Variants in SLC6A11 observed in about 807,000 individuals in gnomAD.
The protein encoded by SLC6A11 is sodium- and chloride-dependent GABA transporter 3.
Under a neutral mutation model 74.8 loss-of-function variants are expected in SLC6A11, and 25 were observed. That is an observed-to-expected ratio of 0.33 (90% CI 0.24 to 0.47). The LOEUF is 0.47. SLC6A11 is among the 20% of genes least tolerant of loss of function. The pLI, the probability that SLC6A11 is intolerant of heterozygous loss-of-function variation, is 1.00. For synonymous variants in SLC6A11, 330 were observed against 330.2 expected (o/e 1.00, Z 0.01); for missense variants, 574 against 837.0 (o/e 0.69, Z 3.88).
At chr3:10,884,713 C>T (rs576987903) in intron 6 of SLC6A11, among the ~76,000 whole-genome samples, 79 of 152,234 alleles carry the variant, frequency 5.2e-4, no homozygotes, top group Non-Finnish European at 1.0e-3. Context: ...TGCAAGAATC[C>T]TAGAATCTTA....
At chr3:10,901,484 C>T (rs563547615) in intron 6 of SLC6A11, among the ~76,000 whole-genome samples, 1 of 152,352 alleles carries the variant, frequency 6.6e-6, no homozygotes, top group East Asian at 1.9e-4. Context: ...TGGCAGGGCC[C>T]TGGTTGGCCC....
intron 6 of SLC6A11, among the ~76,000 whole-genome samples, chr3:10,897,878 C>T (rs899863981): frequency 6.6e-6 from 1 of 152,204 alleles, no homozygotes; most frequent in Non-Finnish European, 1.5e-5. Context: ...AAGCACCCTG[C>T]CCCTGTAGCA....
At chr3:10,823,839 A>T (rs1694169591) in intron 4 of SLC6A11, 1 of 169,518 alleles carries the variant, frequency 5.9e-6, no homozygotes, top group Admixed American at 5.6e-5. Context: ...ATGGATAGAG[A>T]TTATAAAGAG....
intron 7 of SLC6A11, among the ~76,000 whole-genome samples, chr3:10,914,496 A>G (rs1321535298): frequency 6.6e-6 from 1 of 152,180 alleles, no homozygotes; most frequent in African/African-American, 2.4e-5. Context: ...GGCAGGTCCA[A>G]CATGCTGAAA....
rs143370412 is a variant in SLC6A11 at position 10,847,661 on chromosome 3, C to T, written c.756+3315C>T. 7.0e-3 allele frequency among the ~76,000 whole-genome samples: 1,059 copies of T among 152,216 alleles called. 11 individuals are homozygous for T. Among genetic ancestry groups the T allele is most frequent in the Non-Finnish European group, 6.9e-3 (470 of 68,022 alleles). On this transcript the variant is annotated intron_variant, in intron 5 of 13. Transcript: ENST00000254488. ...GAGCCTGGTCCCCAGTTTCCCAGCT[C>T]GTTATTAATGATGAGGTTCTGTGGG...
At chr3:10,924,800 C>A (rs1259882578) in intron 8 of SLC6A11, among the ~76,000 whole-genome samples, 1 of 152,120 alleles carries the variant, frequency 6.6e-6, no homozygotes, top group Non-Finnish European at 1.5e-5. Flanking sequence ...CATCTCACTC[C>A]CACTGTAATG....
At position 10,858,506 on chromosome 3, in the gene SLC6A11, C is replaced by T. The variant is rs147980489; in HGVS notation, c.756+14160C>T. On this transcript the variant is annotated intron_variant, in intron 5 of 13. Transcript: ENST00000254488. ...CATCACCTCCATCTTTATGATGACT[C>T]GAAATGCCTCTACATGTCTCCAGGT... Among the ~76,000 whole-genome samples the T allele has an allele frequency of 2.4e-3, 364 of 152,282 alleles. 3 individuals carry two copies. Among genetic ancestry groups the T allele is most frequent in the African/African-American group, 8.0e-3 (332 of 41,550 alleles).
intron 4 of SLC6A11, among the ~76,000 whole-genome samples, chr3:10,843,886 T>C (rs1694468948): frequency 6.6e-6 from 1 of 152,182 alleles, no homozygotes; most frequent in Non-Finnish European, 1.5e-5. Flanking sequence ...GGGAGGAACA[T>C]AGGATGTTTA....
At chr3:10,819,988 T>A in intron 3 of SLC6A11, 136 bp downstream of exon 3, 1 of 883,748 alleles carries the variant, frequency 1.1e-6, no homozygotes. Flanking sequence ...TTGCTGAAAC[T>A]GGGGTCAGCT....
chr3:10,836,348 A>G lies in SLC6A11; in HGVS notation c.624-7866A>G, dbSNP rs558646343. Among the ~76,000 whole-genome samples, 502 of 152,370 alleles carry G rather than the reference A, an allele frequency of 3.3e-3. 5 individuals carry two copies. Among genetic ancestry groups the G allele is most frequent in the Non-Finnish European group, 4.9e-3 (336 of 68,036 alleles). On this transcript the variant is annotated intron_variant, in intron 4 of 13. Transcript: ENST00000254488. Reference sequence around the variant, plus strand: ...CATTTGTGCACACATTTTTGTTTGAACATATGTTTATTCTCTTGGGCTTAT... The same window carrying G: ...CATTTGTGCACACATTTTTGTTTGAGCATATGTTTATTCTCTTGGGCTTAT...
Position 10,844,237 on chromosome 3 carries a change from A to G in SLC6A11, c.647A>G (p.Asp216Gly). 6.2e-7 allele frequency: 1 copy of G among 1,614,156 alleles called. No individual in the cohort carries two copies. The highest frequency in any genetic ancestry group is 1.1e-5 in the South Asian group (1 of 91,076). Residue 216 changes from aspartate (D) to glycine (G), a missense_variant, in exon 5 of 14, where the codon GAC (aspartate) becomes GGC (glycine). Around this residue, in one of 4 missense-constraint regions of SLC6A11, gnomAD observed 215 missense variants for 357.9 expected, o/e 0.60. Coordinates refer to ENST00000254488, the MANE Select transcript of SLC6A11 (RefSeq NM_014229.3). ...FWEHRVLAISDGIEHIGNLRW... is the reference protein window; with the variant it reads ...FWEHRVLAISGGIEHIGNLRW... Reference sequence around the variant, plus strand: ...AGGCACCGGGTCCTGGCCATCTCTGACGGGATCGAGCACATCGGGAACCTT... The same window carrying G: ...AGGCACCGGGTCCTGGCCATCTCTGGCGGGATCGAGCACATCGGGAACCTT...
rs11276081 is a variant in SLC6A11, at chr3:10,940,345, C to CCACACCATCTCTCACGGATG, written c.*1947_*1948insCCATCTCTCACGGATGCACA. 1 of 152,068 alleles carries CCACACCATCTCTCACGGATG rather than the reference C, an allele frequency of 6.6e-6. No individual in the cohort carries two copies. The highest frequency in any genetic ancestry group is 2.4e-5 in the African/African-American group (1 of 41,362). The allele number at this position is 152,068 out of a possible 1,614,324, so 9.4% of individuals were successfully genotyped here. ...TCCCATTGCTGCTGCTACCGGTTCTCCACAGATCCCTGTGGTCCGCCATCG... is the reference window on the plus strand; with the variant it reads ...TCCCATTGCTGCTGCTACCGGTTCTCCACACCATCTCTCACGGATGCACAGATCCCTGTGGTCCGCCATCG... On this transcript the variant is annotated 3_prime_UTR_variant, in exon 14 of 14. Transcript: ENST00000254488.
chr3:10,923,875 T>C (rs1489420596), intron 8 of SLC6A11, among the ~76,000 whole-genome samples: 5 of 151,760 alleles, frequency 3.3e-5, no homozygotes, highest in Non-Finnish European at 7.4e-5. Flanking sequence ...ACCCCCGATA[T>C]AATACACCAG....
chr3:10,910,082 C>T (rs1273377896), intron 6 of SLC6A11, among the ~76,000 whole-genome samples: 1 of 152,180 alleles, frequency 6.6e-6, no homozygotes. Context: ...CCTGCCTCTC[C>T]CTGCCCCTGC....
chr3:10,873,780 G>GTCCTA (rs879748167), intron 5 of SLC6A11, among the ~76,000 whole-genome samples: 12,158 of 126,462 alleles, frequency 0.096, 647 homozygotes, highest in Middle Eastern at 0.26. Flanking sequence ...GTCCTGTCCT[G>GTCCTA]TCCTATCCTA....
chr3:10,896,980 T>C (rs1695179110), intron 6 of SLC6A11, among the ~76,000 whole-genome samples: 1 of 152,176 alleles, frequency 6.6e-6, no homozygotes, highest in South Asian at 2.1e-4. Flanking sequence ...CTGGGGAGGC[T>C]TCACAATCAT....
intron 1 of SLC6A11, among the ~76,000 whole-genome samples, chr3:10,817,785 TGAA>T (rs1169081837): frequency 1.3e-5 from 2 of 152,132 alleles, no homozygotes; most frequent in Admixed American, 6.5e-5. Context: ...GCACTGGTAA[TGAA>T]GTGGCCGCTG....
chr3:10,911,862 A>C (rs1695392125), intron 6 of SLC6A11, among the ~76,000 whole-genome samples: 1 of 152,174 alleles, frequency 6.6e-6, no homozygotes, highest in African/African-American at 2.4e-5. Flanking sequence ...TATTATTCAT[A>C]AACTCTGGCA....
intron 6 of SLC6A11, among the ~76,000 whole-genome samples, chr3:10,892,079 C>T (rs577609269): frequency 6.6e-6 from 1 of 152,350 alleles, no homozygotes; most frequent in South Asian, 2.1e-4. Context: ...TCTGATATAG[C>T]ACAGCTTTGT....
Sources: allele counts gnomAD v4.1 joint callset (sites outside exome capture counted in the v4.1 genomes callset), GRCh38; gene constraint gnomAD v4.1.1; regional missense constraint gnomAD v4.1.1; transcripts MANE v1.5; gene names NCBI Gene and HGNC (gene_info 2026-07-23, HGNC 2026-07-21).